The following HEATR5B variants were observed in gnomAD, a reference collection of about 807,000 sequenced individuals.
HEATR5B encodes the protein HEAT repeat-containing protein 5B.
HEATR5B carries 156 observed loss-of-function variants against 224.1 expected under a neutral mutation model. That is an observed-to-expected ratio of 0.70 (90% CI 0.61 to 0.80). The LOEUF is 0.80. Among genes scored for constraint, HEATR5B ranks in the 30% least tolerant of loss-of-function variants. The pLI, the probability that HEATR5B is intolerant of heterozygous loss-of-function variation, is 0.00. For missense variants in HEATR5B, 2,323 were observed against 2,535.5 expected (o/e 0.92, Z 1.80); for synonymous variants, 1,027 against 893.0 (o/e 1.15, Z -2.68).
intron 2 of HEATR5B, among the ~76,000 whole-genome samples, chr2:37,081,704 G>T (rs1447061745): frequency 1.3e-5 from 2 of 152,154 alleles, no homozygotes; most frequent in African/African-American, 4.8e-5. Context: ...GTGAAATATT[G>T]TATGTCCAGA....
At chr2:36,991,589 A>T (rs1359236307) in intron 33 of HEATR5B, among the ~76,000 whole-genome samples, 1 of 151,564 alleles carries the variant, frequency 6.6e-6, no homozygotes, top group Non-Finnish European at 1.5e-5. Context: ...TCAGGAATAG[A>T]TACAACTTGA....
chr2:37,082,357 G>A (rs1194682149), intron 2 of HEATR5B, among the ~76,000 whole-genome samples: 1 of 152,032 alleles, frequency 6.6e-6, no homozygotes, highest in African/African-American at 2.4e-5. Flanking sequence ...TGGGATTACA[G>A]GCGTGAACCA....
At chr2:37,077,741 T>G (rs1269673829) in intron 3 of HEATR5B, among the ~76,000 whole-genome samples, 2 of 152,250 alleles carry the variant, frequency 1.3e-5, no homozygotes, top group Non-Finnish European at 2.9e-5. Flanking sequence ...TGTTGTAACT[T>G]GACCATTTTA....
intron 33 of HEATR5B, among the ~76,000 whole-genome samples, chr2:36,993,541 TAA>T (rs1010348134): frequency 2.6e-4 from 34 of 129,122 alleles, no homozygotes; most frequent in Admixed American, 2.4e-4. Context: ...AGACTCTGTT[TAA>T]AAAAAAAAAA....
At chr2:37,032,047 C>G (rs1054549591) in intron 22 of HEATR5B, among the ~76,000 whole-genome samples, 3 of 152,160 alleles carry the variant, frequency 2.0e-5, no homozygotes, top group Non-Finnish European at 4.4e-5. Flanking sequence ...ACTGACATTT[C>G]ATAGTTTTAT....
chr2:37,008,229 G>A (rs1667556484), intron 28 of HEATR5B: 1 of 181,066 alleles, frequency 5.5e-6, no homozygotes, highest in Admixed American at 5.6e-5. Flanking sequence ...AATTTGCAAA[G>A]CACTTTAGGA....
intron 5 of HEATR5B, among the ~76,000 whole-genome samples, chr2:37,074,097 G>A (rs1157945364): frequency 3.3e-5 from 5 of 152,056 alleles, no homozygotes; most frequent in Admixed American, 6.5e-5. Flanking sequence ...CGAGGTGGGC[G>A]GATCACGAGG....
At chr2:37,084,205 C>A (rs1173315707) in intron 1 of HEATR5B, 64 bp downstream of exon 1, 1 of 345,290 alleles carries the variant, frequency 2.9e-6, no homozygotes, top group Non-Finnish European at 5.2e-6. Context: ...CTTCCCCACC[C>A]GTCTGAAAAT....
rs765426019 is a variant in HEATR5B, at chr2:37,084,302, C to G, written c.-56G>C. ...CTGGAAGGGAAGATCAGCTGAGCTCCGGGGGTAGAAGCAGCCACCAAGAGA... is the reference window on the plus strand; with the variant it reads ...CTGGAAGGGAAGATCAGCTGAGCTCGGGGGGTAGAAGCAGCCACCAAGAGA... On this transcript the variant is annotated 5_prime_UTR_variant, in exon 1 of 36. Coordinates refer to ENST00000233099, the MANE Select transcript of HEATR5B (RefSeq NM_019024.3). 1 of 397,432 alleles carries G rather than the reference C, an allele frequency of 2.5e-6. No individual in the cohort carries two copies. Among genetic ancestry groups the G allele is most frequent in the Non-Finnish European group, 4.4e-6 (1 of 226,196 alleles). 24.6% of individuals were successfully genotyped at this position (397,432 alleles called of 1,614,324 possible).
chr2:37,046,516 G>A (rs1304918715), intron 18 of HEATR5B, among the ~76,000 whole-genome samples: 1 of 151,824 alleles, frequency 6.6e-6, no homozygotes, highest in Non-Finnish European at 1.5e-5. Context: ...GCAGGCACCT[G>A]TAATCCCAGC....
In HEATR5B at chr2:37,049,850, TAAAAAAA is replaced by T. The variant is rs60184195; in HGVS notation, c.2506-14_2506-8del. On this transcript the variant is annotated splice_polypyrimidine_tract_variant and splice_region_variant and intron_variant, in intron 17 of 35. Transcript: ENST00000233099. ...TTTTGTTTTCAGCTAAGCCCTACAT[TAAAAAAA>T]AAAAAAAAAAAAAGACAGCAATTCA... The T allele has an allele frequency of 9.0e-5, 90 of 1,001,368 alleles. No individual in the cohort carries two copies. The highest frequency in any genetic ancestry group is 1.5e-4 in the Admixed American group (3 of 20,272). 62.0% of individuals were successfully genotyped at this position (1,001,368 alleles called of 1,614,324 possible).
In HEATR5B at chr2:36,981,633, T is replaced by C; in HGVS notation, c.6073A>G (p.Met2025Val). 1.2e-6 allele frequency: 2 copies of C among 1,614,130 alleles called. No individual in the cohort carries two copies. Among genetic ancestry groups the C allele is most frequent in the Non-Finnish European group, 1.7e-6 (2 of 1,179,990 alleles). ...ACTTTCAACTCAGGAGCAGCCCCCA[T>C]TACTGTCTTGAAAGCATGTGGATAC... The part of the protein sequence containing the change: ...PLYPHAFKTV[M>V]GAAPELKVRL... Residue 2025 changes from methionine (M) to valine (V), a missense_variant, in exon 36 of 36, where the codon ATG becomes GTG. Transcript: ENST00000233099.
At chr2:37,025,393 G>A (rs1222887128) in intron 24 of HEATR5B, among the ~76,000 whole-genome samples, 1 of 151,320 alleles carries the variant, frequency 6.6e-6, no homozygotes, top group Non-Finnish European at 1.5e-5. Flanking sequence ...ATGCAACCAG[G>A]GAAAAGAACG....
chr2:37,077,797 C>T (rs147838011), intron 3 of HEATR5B, among the ~76,000 whole-genome samples: 29 of 152,280 alleles, frequency 1.9e-4, no homozygotes, highest in Admixed American at 7.8e-4. Flanking sequence ...ACTCCAGAAA[C>T]GGAATATAGC....
At chr2:37,059,723 G>T (rs937880051) in intron 12 of HEATR5B, among the ~76,000 whole-genome samples, 1 of 151,820 alleles carries the variant, frequency 6.6e-6, no homozygotes, top group African/African-American at 2.4e-5. Flanking sequence ...GCTTCCCAAA[G>T]TGCTGGGATT....
chr2:37,060,885 CTA>C, intron 11 of HEATR5B, 152 bp from the exon 12 acceptor site: 1 of 508,302 alleles, frequency 2.0e-6, no homozygotes. Flanking sequence ...TTATTTCACT[CTA>C]TTTTTATCTC....
intron 2 of HEATR5B, 59 bp downstream of exon 2, chr2:37,083,230 A>G: frequency 6.3e-7 from 1 of 1,592,158 alleles, no homozygotes; most frequent in South Asian, 1.1e-5. Flanking sequence ...TTTCTTAAGA[A>G]TCATGACCAC....
intron 18 of HEATR5B, among the ~76,000 whole-genome samples, chr2:37,046,394 T>C (rs1558339089): frequency 6.6e-6 from 1 of 152,152 alleles, no homozygotes; most frequent in African/African-American, 2.4e-5. Context: ...ATCGCAGCAT[T>C]TTGGGAGGCC....
intron 33 of HEATR5B, among the ~76,000 whole-genome samples, chr2:36,999,497 G>A (rs1666946714): frequency 2.0e-5 from 3 of 151,916 alleles, no homozygotes; most frequent in Admixed American, 2.0e-4. Flanking sequence ...GGCCAACATG[G>A]TGAAACCCCG....
Sources: gnomAD v4.1 joint callset for allele counts (sites outside exome capture counted in the v4.1 genomes callset) on GRCh38, gnomAD v4.1.1 for gene constraint, MANE v1.5 for transcripts, NCBI Gene and HGNC (gene_info 2026-07-23, HGNC 2026-07-21) for gene names.